The following TRIM36 variants were observed in gnomAD, a reference collection of about 807,000 sequenced individuals.
TRIM36 encodes E3 ubiquitin-protein ligase TRIM36.
A neutral mutation model predicts 72.4 loss-of-function variants in TRIM36; 42 were observed. The ratio of observed to expected loss-of-function variants is 0.58; its 90% confidence interval spans 0.45 to 0.75. TRIM36 has a LOEUF of 0.75. TRIM36 is among the 30% of genes least tolerant of loss of function. The probability of loss-of-function intolerance (pLI) is 0.00; values close to 1 mark genes in which losing one functional copy is unlikely to be tolerated. For missense variants in TRIM36, 913 were observed against 857.1 expected (o/e 1.07, Z -0.81); for synonymous variants, 315 against 282.8 (o/e 1.11, Z -1.14).
chr5:115,152,996 C>T (rs1753975754), intron 2 of TRIM36, among the ~76,000 whole-genome samples: 1 of 151,898 alleles, frequency 6.6e-6, no homozygotes, highest in Non-Finnish European at 1.5e-5. Flanking sequence ...GGTACACAGG[C>T]AAAAAAATAG....
In TRIM36 at chr5:115,147,410, GTCTT is replaced by G. The variant is rs1404884908; in HGVS notation, c.263-20_263-17del. 1.9e-6 allele frequency: 3 copies of G among 1,603,450 alleles called. No individual in the cohort carries two copies. In the South Asian group the frequency reaches 3.3e-5, roughly 18 times the overall value. On this transcript the variant is annotated splice_polypyrimidine_tract_variant and intron_variant, in intron 2 of 9. Transcript: ENST00000513154. ...CGCTTCCAGCCTGTGTAATTAGTAA[GTCTT>G]TGTTTAGTTATAGCAGTAGGAAAAT... is the stretch of plus-strand genomic sequence containing the variant.
At chr5:115,169,322 G>A (rs897349432) in intron 1 of TRIM36, among the ~76,000 whole-genome samples, 3 of 152,226 alleles carry the variant, frequency 2.0e-5, no homozygotes, top group African/African-American at 7.2e-5. Flanking sequence ...CCATTAGAGA[G>A]ACCCTCCATG....
chr5:115,163,821 G>T, intron 1 of TRIM36, 69 bp from the exon 2 acceptor site: 1 of 1,142,754 alleles, frequency 8.8e-7, no homozygotes, highest in Non-Finnish European at 1.3e-6. Context: ...TATACCTCCT[G>T]AATAAGTACA....
Position 115,130,617 on chromosome 5 carries a change from A to G in TRIM36, c.1771T>C (p.Ser591Pro), listed in dbSNP as rs748588535. The G allele has an allele frequency of 1.9e-5, 31 of 1,614,038 alleles. No homozygotes were observed. Among genetic ancestry groups the G allele is most frequent in the Non-Finnish European group, 2.5e-5 (30 of 1,180,004 alleles). Residue 591 changes from serine (S) to proline (P), a missense_variant, in exon 9 of 10, where the codon TCT becomes CCT. By Grantham distance (74) the Ser-to-Pro change is moderately conservative. Coordinates refer to ENST00000513154, the MANE Select transcript of TRIM36 (RefSeq NM_001300759.2). Reference protein sequence around the residue: ...SSDKLQEWLRSPRDAVSPRYE... With the variant: ...SSDKLQEWLRPPRDAVSPRYE... ...CTTGGACTAACTGCATCCCGGGGAG[A>G]ACGGAGCCATTCTTGTAGTTTATCG...
chr5:115,137,451 T>C lies in TRIM36; in HGVS notation c.997A>G (p.Asn333Asp). ...QMEEYQGLLENNGLVGYAQEV... is the reference protein window; with the variant it reads ...QMEEYQGLLEDNGLVGYAQEV... Reference sequence around the variant, plus strand: ...TGAGCATATCCCACAAGTCCATTGTTCTCTAGAAGTCCCTGGTACTCTTCC... The same window carrying C: ...TGAGCATATCCCACAAGTCCATTGTCCTCTAGAAGTCCCTGGTACTCTTCC... The change falls in exon 6 of 10, where the codon AAC becomes GAC. Residue 333 changes from asparagine to aspartate, a missense_variant. By Grantham distance (23) the Asn-to-Asp change is conservative. Transcript: ENST00000513154. The C allele has an allele frequency of 6.2e-7, 1 of 1,614,172 alleles. No homozygotes were observed. Among genetic ancestry groups the C allele is most frequent in the South Asian group, 1.1e-5 (1 of 91,080 alleles).
intron 5 of TRIM36, among the ~76,000 whole-genome samples, chr5:115,138,001 G>A (rs1213969361): frequency 1.3e-5 from 2 of 152,178 alleles, no homozygotes; most frequent in African/African-American, 2.4e-5. Flanking sequence ...GAAATGAACT[G>A]ATTTAAACAA....
chr5:115,161,486 CA>C, intron 2 of TRIM36, among the ~76,000 whole-genome samples: 2 of 152,320 alleles, frequency 1.3e-5, no homozygotes. Flanking sequence ...GCATGGGTCA[CA>C]GCCAAAGACA....
At chr5:115,150,880 T>TGGA (rs1021517209) in intron 2 of TRIM36, among the ~76,000 whole-genome samples, 30 of 152,188 alleles carry the variant, frequency 2.0e-4, no homozygotes, top group African/African-American at 6.3e-4. Flanking sequence ...GGAAAACCCC[T>TGGA]GGAAGCTCAC....
rs138446043 is a variant in TRIM36, at chr5:115,133,979, C to T, written c.1379G>A (p.Ser460Asn). ...SWNEIEVCGT[S>N]KIIQDLENSS... ...GTTTTCCAAGTCTTGAATTATTTTACTTGTTCCACACACTTCTATCTCATT... is the reference window on the plus strand; with the variant it reads ...GTTTTCCAAGTCTTGAATTATTTTATTTGTTCCACACACTTCTATCTCATT... Residue 460 changes from serine (S) to asparagine (N), a missense_variant, in exon 8 of 10, where the codon AGT becomes AAT. Coordinates refer to ENST00000513154, the MANE Select transcript of TRIM36 (RefSeq NM_001300759.2). 6.2e-7 allele frequency: 1 copy of T among 1,613,930 alleles called. No individual in the cohort carries two copies. The highest frequency in any genetic ancestry group is 8.5e-7 in the Non-Finnish European group (1 of 1,179,912).
chr5:115,134,109 C>A lies in TRIM36; in HGVS notation c.1249G>T (p.Val417Phe), dbSNP rs763661147. ...CAATTTATCAAGGCATTGTTATAAA[C>A]TTTGCTCTGTTCCTCATTGATCTCT... Reference protein sequence around the residue: ...VPEINEEQSKVYNNALINWHH... With the variant: ...VPEINEEQSKFYNNALINWHH... The change falls in exon 8 of 10, where the codon GTT (valine) becomes TTT (phenylalanine). Residue 417 changes from valine (V) to phenylalanine (F), a missense_variant. Coordinates refer to ENST00000513154, the MANE Select transcript of TRIM36 (RefSeq NM_001300759.2). The A allele has an allele frequency of 7.4e-6, 12 of 1,611,292 alleles. No homozygotes were observed. Among genetic ancestry groups the A allele is most frequent in the Non-Finnish European group, 7.6e-6 (9 of 1,178,876 alleles).
intron 4 of TRIM36, 99 bp from the exon 5 acceptor site, chr5:115,141,473 A>T: frequency 1.7e-6 from 1 of 603,308 alleles, no homozygotes; most frequent in Non-Finnish European, 2.7e-6. Context: ...CCTCTTCTAC[A>T]GCCTCTGATA....
chr5:115,179,428 A>G (rs144270075), intron 1 of TRIM36, among the ~76,000 whole-genome samples: 9 of 152,334 alleles, frequency 5.9e-5, no homozygotes, highest in Non-Finnish European at 7.4e-5. Flanking sequence ...AGCAGCAGCT[A>G]AGGACCTGGA....
chr5:115,141,957 T>C (rs7720760), intron 4 of TRIM36, among the ~76,000 whole-genome samples: 43,449 of 152,006 alleles, frequency 0.29, 6,354 homozygotes, highest in Middle Eastern at 0.33. Flanking sequence ...TTTAAATAAG[T>C]ATAGTTTCTT....
chr5:115,138,660 C>G (rs750120448), intron 5 of TRIM36, among the ~76,000 whole-genome samples: 4 of 152,042 alleles, frequency 2.6e-5, no homozygotes, highest in Non-Finnish European at 5.9e-5. Flanking sequence ...TGTAAATAAA[C>G]ATTCATACAA....
chr5:115,127,971 AT>A (rs1468602710), intron 9 of TRIM36, among the ~76,000 whole-genome samples: 1 of 151,834 alleles, frequency 6.6e-6, no homozygotes, highest in Non-Finnish European at 1.5e-5. Context: ...GATATTGATG[AT>A]GTTGACCCTG....
intron 9 of TRIM36, among the ~76,000 whole-genome samples, chr5:115,129,130 C>T (rs942017540): frequency 1.3e-5 from 2 of 152,162 alleles, no homozygotes; most frequent in African/African-American, 4.8e-5. Context: ...AAAGACTGTT[C>T]CACATACCCT....
chr5:115,168,338 T>C (rs1370187656), intron 1 of TRIM36, among the ~76,000 whole-genome samples: 1 of 152,214 alleles, frequency 6.6e-6, no homozygotes, highest in Non-Finnish European at 1.5e-5. Flanking sequence ...ATCATTTCTC[T>C]ACGTAGTTTT....
intron 9 of TRIM36, among the ~76,000 whole-genome samples, chr5:115,128,450 T>C (rs1173613406): frequency 2.0e-5 from 3 of 151,828 alleles, no homozygotes; most frequent in African/African-American, 7.2e-5. Context: ...TTAAAAAGTT[T>C]TTTTAAAAAT....
intron 2 of TRIM36, among the ~76,000 whole-genome samples, chr5:115,157,685 C>T (rs1482510372): frequency 6.6e-6 from 1 of 152,128 alleles, no homozygotes; most frequent in Non-Finnish European, 1.5e-5. Context: ...ATGTTTATGG[C>T]AGCACAAGTA....
Sources: gnomAD v4.1 joint callset for allele counts (sites outside exome capture counted in the v4.1 genomes callset) on GRCh38, gnomAD v4.1.1 for gene constraint, MANE v1.5 for transcripts, NCBI Gene and HGNC (gene_info 2026-07-23, HGNC 2026-07-21) for gene names.